The following INTS13 variants were observed in gnomAD, a reference collection of about 807,000 sequenced individuals.
INTS13 encodes integrator complex subunit 13.
In INTS13, 35 loss-of-function variants were observed where a neutral mutation model predicts 90.2. The observed-to-expected ratio is 0.39, with a 90% confidence interval of 0.30 to 0.51. The LOEUF (loss-of-function observed/expected upper bound fraction) is 0.51. Among genes scored for constraint, INTS13 ranks in the 20% least tolerant of loss-of-function variants. INTS13 has a pLI of 0.80. For synonymous variants in INTS13, 309 were observed against 277.1 expected, an observed-to-expected ratio of 1.11 and a Z score of -1.14; for missense variants, 601 against 851.2, an observed-to-expected ratio of 0.71 and a Z score of 3.66.
At chr12:26,935,349 G>C (rs1938404194) in intron 2 of INTS13, among the ~76,000 whole-genome samples, 1 of 152,018 alleles carries the variant, frequency 6.6e-6, no homozygotes, top group South Asian at 2.1e-4. Context: ...TTGGCTAGAG[G>C]GTTAGATTTC....
intron 6 of INTS13, among the ~76,000 whole-genome samples, chr12:26,925,504 C>CA (rs1197791721): frequency 6.6e-6 from 1 of 151,908 alleles, no homozygotes; most frequent in African/African-American, 2.4e-5. Context: ...AGGAACAATA[C>CA]AAACTATGTA....
chr12:26,908,599 TG>T (rs1468640381), intron 15 of INTS13, among the ~76,000 whole-genome samples: 1 of 151,918 alleles, frequency 6.6e-6, no homozygotes, highest in Non-Finnish European at 1.5e-5. Context: ...CAAATCTAGA[TG>T]GCACATTTGG....
chr12:26,930,476 G>A (rs1157883941), intron 3 of INTS13, among the ~76,000 whole-genome samples: 1 of 152,174 alleles, frequency 6.6e-6, no homozygotes, highest in Non-Finnish European at 1.5e-5. Flanking sequence ...ATAGGGAAAA[G>A]GTGTGACATG....
chr12:26,917,581 C>A lies in INTS13; in HGVS notation c.979+63G>T, dbSNP rs1051943669. 8 of 1,415,382 alleles carry A rather than the reference C, an allele frequency of 5.7e-6. No individual in the cohort carries two copies. In the African/African-American group the frequency reaches 1.1e-4, roughly 20 times the overall value. 87.7% of individuals were successfully genotyped at this position (1,415,382 alleles called of 1,614,324 possible). A position where few individuals can be genotyped will look rare whatever the true frequency, so the allele number is the denominator to read the frequency against. On this transcript the variant is annotated intron_variant, in intron 9 of 16. Coordinates refer to ENST00000261191, the MANE Select transcript of INTS13 (RefSeq NM_018164.3). ...GAAAATGCAAAACAGAATAAATTGA[C>A]CCCCATATAATACCTTAAGAACCTT...
chr12:26,936,213 GCA>G (rs914311214), intron 2 of INTS13, among the ~76,000 whole-genome samples: 2 of 152,190 alleles, frequency 1.3e-5, no homozygotes, highest in Non-Finnish European at 2.9e-5. Context: ...CTACATGCCA[GCA>G]CAGTTTGACA....
At position 26,936,910 on chromosome 12, in the gene INTS13, T is replaced by A. The variant is rs191267629; in HGVS notation, c.-11-96A>T. On this transcript the variant is annotated intron_variant, in intron 1 of 16. Transcript: ENST00000261191. ...AAGATTGTCTTTCCCTCAAGAAGACTTGGTAGGGAACATGAATAATATGTT... is the reference window on the plus strand; with the variant it reads ...AAGATTGTCTTTCCCTCAAGAAGACATGGTAGGGAACATGAATAATATGTT... The A allele has an allele frequency of 2.6e-4, 208 of 788,812 alleles. 1 individual carries two copies. The highest frequency in any genetic ancestry group is 1.4e-3 in the Middle Eastern group (4 of 2,846). 48.9% of individuals were successfully genotyped at this position (788,812 alleles called of 1,614,324 possible). A position where few individuals can be genotyped will look rare whatever the true frequency, so the allele number is the denominator to read the frequency against.
Position 26,924,375 on chromosome 12 carries a change from T to C in INTS13, c.784A>G (p.Ile262Val), listed in dbSNP as rs2137510525. The C allele has an allele frequency of 5.0e-6, 8 of 1,612,610 alleles. No individual in the cohort carries two copies. The highest frequency in any genetic ancestry group is 1.1e-5 in the South Asian group (1 of 90,860). ...CCTACCTTCATTGGAATATTTGTAA[T>C]AGTAGTTGAAGCCAAGTCAAAATGT... ...QQHFDLASTT[I>V]TNIPMKEEQH... The change falls in exon 7 of 17, where the codon ATT becomes GTT. Residue 262 changes from isoleucine (I) to valine (V), a missense_variant. Ile to Val is a conservative substitution (Grantham distance 29). Around this residue, in one of 3 missense-constraint regions of INTS13, gnomAD observed 284 missense variants for 387.7 expected, o/e 0.73. Coordinates refer to ENST00000261191, the MANE Select transcript of INTS13 (RefSeq NM_018164.3).
chr12:26,931,812 C>A (rs1486911705), intron 3 of INTS13, among the ~76,000 whole-genome samples: 3 of 123,222 alleles, frequency 2.4e-5, no homozygotes, highest in African/African-American at 5.1e-5. Context: ...CCGGGCTGTG[C>A]GTGGTGGCTC....
Position 26,914,458 on chromosome 12 carries a change from G to A in INTS13, c.1369C>T (p.Arg457Cys), listed in dbSNP as rs1385964330. 3.1e-6 allele frequency: 5 copies of A among 1,613,736 alleles called. No individual in the cohort carries two copies. Among genetic ancestry groups the A allele is most frequent in the Non-Finnish European group, 4.2e-6 (5 of 1,179,894 alleles). Residue 457 changes from arginine (R) to cysteine (C), a missense_variant, in exon 12 of 17, where the codon CGT becomes TGT. By Grantham distance (180) the Arg-to-Cys change is radical (BLOSUM62 -3). Coordinates refer to ENST00000261191, the MANE Select transcript of INTS13 (RefSeq NM_018164.3). Reference protein sequence around the residue: ...RAKDQLEKHTRYWPMIISQTT... With the variant: ...RAKDQLEKHTCYWPMIISQTT... ...TGTGAAATGATCATAGGCCAGTAACGGGTATGTTTTTCTAACTGATCTTTT... is the reference window on the plus strand; with the variant it reads ...TGTGAAATGATCATAGGCCAGTAACAGGTATGTTTTTCTAACTGATCTTTT...
chr12:26,921,142 A>G (rs773438854), intron 8 of INTS13, among the ~76,000 whole-genome samples: 1 of 152,242 alleles, frequency 6.6e-6, no homozygotes, highest in Non-Finnish European at 1.5e-5. Context: ...ATCTAGAAAC[A>G]TATGGGTCTT....
At chr12:26,906,523 A>T (rs1453914878) in intron 15 of INTS13, 86 bp from the exon 16 acceptor site, 1 of 1,347,688 alleles carries the variant, frequency 7.4e-7, no homozygotes, top group Admixed American at 2.1e-5. Context: ...CTTACCTTTA[A>T]TTCTGTTGTT....
chr12:26,937,255 T>C (rs1176280755), intron 1 of INTS13, among the ~76,000 whole-genome samples: 1 of 152,138 alleles, frequency 6.6e-6, no homozygotes, highest in African/African-American at 2.4e-5. Context: ...GAAAAACGTT[T>C]GAAGGGGGAC....
intron 15 of INTS13, among the ~76,000 whole-genome samples, chr12:26,906,750 G>A (rs1388203115): frequency 6.6e-6 from 1 of 152,198 alleles, no homozygotes; most frequent in Non-Finnish European, 1.5e-5. Flanking sequence ...AGATCGGTAA[G>A]CAGAAGGAAC....
chr12:26,922,526 T>C, intron 8 of INTS13, 90 bp downstream of exon 8: 1 of 935,576 alleles, frequency 1.1e-6, no homozygotes, highest in Non-Finnish European at 1.6e-6. Flanking sequence ...ACTGGGGGTC[T>C]TGGAATGTCT....
At chr12:26,924,277 G>A in intron 7 of INTS13, 78 bp downstream of exon 7, 1 of 1,484,824 alleles carries the variant, frequency 6.7e-7, no homozygotes, top group Non-Finnish European at 9.2e-7. Flanking sequence ...ACAGGCATGA[G>A]CTACCACGCC....
Position 26,916,183 on chromosome 12 carries a change from G to T in INTS13, c.1070-3C>A. 1.2e-6 allele frequency: 2 copies of T among 1,601,768 alleles called. No individual in the cohort carries two copies. The highest frequency in any genetic ancestry group is 1.1e-5 in the South Asian group (1 of 89,700). ...TTGTTCCAATAAAACAGAACGACCT[G>T]TCAAAAACAAGATTACACTATCAGT... On this transcript the variant is annotated splice_region_variant and splice_polypyrimidine_tract_variant and intron_variant, in intron 10 of 16. Transcript: ENST00000261191.
chr12:26,912,635 A>G (rs1206401901), intron 14 of INTS13, among the ~76,000 whole-genome samples: 2 of 152,126 alleles, frequency 1.3e-5, no homozygotes, highest in South Asian at 2.1e-4. Flanking sequence ...CTATTAAGAA[A>G]CATTTTCAGA....
intron 9 of INTS13, 35 bp from the exon 10 acceptor site, chr12:26,917,476 T>G: frequency 7.7e-7 from 1 of 1,292,458 alleles, no homozygotes; most frequent in Non-Finnish European, 1.1e-6. Flanking sequence ...TGAAAGAATA[T>G]AAAGAAATAT....
chr12:26,911,197 T>C lies in INTS13; in HGVS notation c.1926A>G (p.Pro642=). The C allele has an allele frequency of 6.2e-7, 1 of 1,613,294 alleles. No homozygotes were observed. The highest frequency in any genetic ancestry group is 8.5e-7 in the Non-Finnish European group (1 of 1,179,826). ...KKPLVEMDET[P]QVEKSKGPVS... is the part of the protein sequence containing the mutation. ...CCTTACCTTTTGATTTTTCCACTTG[T>C]GGAGTTTCATCCATTTCAACAAGGG... The change falls in exon 15 of 17, where the codon CCA becomes CCG. Residue 642 remains proline, a synonymous_variant. Transcript: ENST00000261191.
Sources: allele counts gnomAD v4.1 joint callset (sites outside exome capture counted in the v4.1 genomes callset), GRCh38; gene constraint gnomAD v4.1.1; regional missense constraint gnomAD v4.1.1; transcripts MANE v1.5; gene names NCBI Gene and HGNC (gene_info 2026-07-23, HGNC 2026-07-21).